PPP1R36: variants seen among roughly 807,000 people sequenced by gnomAD.
PPP1R36 encodes chromosome 14 open reading frame 50.
In PPP1R36, 47 loss-of-function variants were observed where a neutral mutation model predicts 53.4. The ratio of observed to expected loss-of-function variants is 0.88; its 90% confidence interval spans 0.70 to 1.12. The LOEUF (loss-of-function observed/expected upper bound fraction) is 1.12. Among genes scored for constraint, PPP1R36 ranks in the 50% most tolerant of loss-of-function variants. The pLI is 0.00. For missense variants in PPP1R36, 456 were observed against 513.9 expected (o/e 0.89, Z 1.09); for synonymous variants, 153 against 170.5 (o/e 0.90, Z 0.80).
At chr14:64,561,710 G>A in intron 3 of PPP1R36, 1 of 451,520 alleles carries the variant, frequency 2.2e-6, no homozygotes, top group Non-Finnish European at 4.4e-6. Context: ...TTACTCACAG[G>A]CATCATCTAG....
At chr14:64,580,026 A>G (rs1596744905) in intron 8 of PPP1R36, among the ~76,000 whole-genome samples, 1 of 149,670 alleles carries the variant, frequency 6.7e-6, no homozygotes, top group Non-Finnish European at 1.5e-5. Flanking sequence ...TTGGCCAGGC[A>G]CAGTGGCTCA....
At chr14:64,567,357 A>G (rs1347057819) in intron 6 of PPP1R36, among the ~76,000 whole-genome samples, 2 of 152,360 alleles carry the variant, frequency 1.3e-5, no homozygotes, top group Non-Finnish European at 2.9e-5. Flanking sequence ...TTCTGTCTAT[A>G]ATATTTTTAA....
At chr14:64,581,277 A>G (rs2080387361) in intron 8 of PPP1R36, among the ~76,000 whole-genome samples, 1 of 152,186 alleles carries the variant, frequency 6.6e-6, no homozygotes, top group South Asian at 2.1e-4. Context: ...GTCTGCAGAA[A>G]GATGTGTTAG....
chr14:64,564,464 C>A (rs569075053), intron 3 of PPP1R36, among the ~76,000 whole-genome samples: 1 of 152,204 alleles, frequency 6.6e-6, no homozygotes, highest in Non-Finnish European at 1.5e-5. Context: ...TCTTTTCAAA[C>A]TTACCAAGAG....
chr14:64,587,448 C>CTTTT (rs10708900), intron 10 of PPP1R36, 76 bp downstream of exon 10: 19 of 111,006 alleles, frequency 1.7e-4, no homozygotes, highest in Admixed American at 4.9e-4. Flanking sequence ...CTTTTTTCTC[C>CTTTT]TTTTTTTTTT....
chr14:64,562,088 G>A (rs2080209813), intron 3 of PPP1R36: 2 of 255,396 alleles, frequency 7.8e-6, no homozygotes, highest in Non-Finnish European at 1.6e-5. Context: ...CTTGTACTCT[G>A]GGAGATAGTA....
At chr14:64,560,496 G>C (rs1457571839) in intron 3 of PPP1R36, among the ~76,000 whole-genome samples, 1 of 152,034 alleles carries the variant, frequency 6.6e-6, no homozygotes, top group Non-Finnish European at 1.5e-5. Flanking sequence ...TTGTTTGCGG[G>C]GAGATAAGAC....
intron 11 of PPP1R36, chr14:64,588,709 A>G: frequency 5.5e-6 from 1 of 183,310 alleles, no homozygotes; most frequent in Non-Finnish European, 1.1e-5. Context: ...TATAGGCATG[A>G]GCCACCACGC....
intron 3 of PPP1R36, among the ~76,000 whole-genome samples, chr14:64,553,874 C>T (rs1347438426): frequency 7.0e-6 from 1 of 143,206 alleles, no homozygotes; most frequent in African/African-American, 2.6e-5. Context: ...ACGTGGAGTA[C>T]ACAAACTGGG....
Position 64,564,824 on chromosome 14 carries a change from C to A in PPP1R36, c.256C>A (p.Pro86Thr). 6.2e-7 allele frequency: 1 copy of A among 1,604,502 alleles called. No homozygotes were observed. Among genetic ancestry groups the A allele is most frequent in the Non-Finnish European group, 8.5e-7 (1 of 1,175,836 alleles). Residue 86 changes from proline to threonine, a missense_variant, in exon 4 of 12, where the codon CCA (proline) becomes ACA (threonine). Coordinates refer to ENST00000298705, the MANE Select transcript of PPP1R36 (RefSeq NM_172365.3). ...KAVHFAETDG[P>T]ASDRLTDKRL... The stretch of plus-strand genomic sequence containing the variant: ...AGTTCACTTTGCAGAAACTGATGGT[C>A]CAGCTTCAGACAGGTAGATTAACTT...
At position 64,580,911 on chromosome 14, in the gene PPP1R36, C is replaced by T. The variant is rs572402846; in HGVS notation, c.669-5926C>T. On this transcript the variant is annotated intron_variant, in intron 8 of 11. Transcript: ENST00000298705. ...CTTTTCTCTTTCATATATGTGTTAC[C>T]GAAGTGAACTGGGGTCCGCTTGCCT... Among the ~76,000 whole-genome samples, 4 of 152,070 alleles carry T rather than the reference C, an allele frequency of 2.6e-5. No individual in the cohort carries two copies. The South Asian group carries it at 6.2e-4, about 24-fold the overall frequency.
intron 2 of PPP1R36, among the ~76,000 whole-genome samples, chr14:64,552,261 G>A (rs1225811939): frequency 6.6e-6 from 1 of 152,186 alleles, no homozygotes; most frequent in Non-Finnish European, 1.5e-5. Flanking sequence ...GGCTGAGGCG[G>A]GCAGATCACC....
At chr14:64,588,555 ATTTT>A (rs34440209) in intron 11 of PPP1R36, 231 of 149,648 alleles carry the variant, frequency 1.5e-3, no homozygotes, top group Middle Eastern at 4.9e-3. Context: ...TGAGTAACTG[ATTTT>A]TTTTTTTTTT....
At chr14:64,553,490 G>C (rs2080114568) in intron 3 of PPP1R36, among the ~76,000 whole-genome samples, 1 of 152,178 alleles carries the variant, frequency 6.6e-6, no homozygotes, top group Admixed American at 6.5e-5. Flanking sequence ...GTGATGGTAT[G>C]ATTTAAAATG....
Position 64,565,261 on chromosome 14 carries a change from ATTAC to A in PPP1R36, c.270-93_270-90del, listed in dbSNP as rs151295499. On this transcript the variant is annotated intron_variant, in intron 4 of 11. Coordinates refer to ENST00000298705, the MANE Select transcript of PPP1R36 (RefSeq NM_172365.3). The stretch of plus-strand genomic sequence containing the variant: ...ACCCATGTATGACACTCAGGCTCTT[ATTAC>A]TTTTTAATAAATGCTTCCTGCACCT... 914 of 764,234 alleles carry A rather than the reference ATTAC, an allele frequency of 1.2e-3. 5 individuals carry two copies. The African/African-American group carries it at 0.015, about 12-fold the overall frequency. The allele number at this position is 764,234 out of a possible 1,614,324, so 47.3% of individuals were successfully genotyped here.
chr14:64,589,220 A>G lies in PPP1R36; in HGVS notation c.1151A>G (p.Glu384Gly). The change falls in exon 12 of 12, where the codon GAA becomes GGA. Residue 384 changes from glutamate (E) to glycine (G), a missense_variant. Transcript: ENST00000298705. ...PHTLHPLDPE[E>G]NTKSFGRYPS... ...ACGCTTCACCCCCTTGATCCAGAAG[A>G]AAACACAAAATCATTTGGGAGATAT... 1 of 1,614,154 alleles carries G rather than the reference A, an allele frequency of 6.2e-7. No individual in the cohort carries two copies. Among genetic ancestry groups the G allele is most frequent in the African/African-American group, 1.3e-5 (1 of 75,046 alleles).
At position 64,588,249 on chromosome 14, in the gene PPP1R36, G is replaced by A. The variant is rs776262589; in HGVS notation, c.1036G>A (p.Glu346Lys). 3.1e-6 allele frequency: 5 copies of A among 1,613,782 alleles called. No individual in the cohort carries two copies. The highest frequency in any genetic ancestry group is 1.7e-5 in the Admixed American group (1 of 59,978). The part of the protein sequence containing the change: ...YHQVDVRFPA[E>K]MQKHVGTLDS... ...TCAAGTAGACGTCAGATTCCCAGCC[G>A]AGATGCAAAAGCATGTGGGAACTCT... The change falls in exon 11 of 12, where the codon GAG (glutamate) becomes AAG (lysine). Residue 346 changes from glutamate (E) to lysine (K), a missense_variant. Transcript: ENST00000298705.
At chr14:64,563,770 C>T (rs2080226497) in intron 3 of PPP1R36, among the ~76,000 whole-genome samples, 1 of 152,182 alleles carries the variant, frequency 6.6e-6, no homozygotes, top group Admixed American at 6.5e-5. Flanking sequence ...AACAGAGGGA[C>T]ACATAACTTT....
At chr14:64,560,103 CA>C (rs1171697200) in intron 3 of PPP1R36, among the ~76,000 whole-genome samples, 1,945 of 27,440 alleles carry the variant, frequency 0.071, no homozygotes, top group Non-Finnish European at 0.11. Context: ...GAATCTGTCA[CA>C]AAAAAAAAAA....
Sources: gnomAD v4.1 joint callset for allele counts (sites outside exome capture counted in the v4.1 genomes callset) on GRCh38, gnomAD v4.1.1 for gene constraint, MANE v1.5 for transcripts, NCBI Gene and HGNC (gene_info 2026-07-23, HGNC 2026-07-21) for gene names.